AZIN2: variants seen among roughly 807,000 people sequenced by gnomAD.
The protein encoded by AZIN2 is ODC antizyme inhibitor-2.
A neutral mutation model predicts 47.8 loss-of-function variants in AZIN2; 28 were observed. That is an observed-to-expected ratio of 0.59 (90% CI 0.43 to 0.80). The LOEUF (loss-of-function observed/expected upper bound fraction) is 0.80, where lower values mean the gene tolerates loss of function less well. Ranked by LOEUF, AZIN2 falls within the 30% of genes least tolerant of loss-of-function variation. The pLI, the probability that AZIN2 is intolerant of heterozygous loss-of-function variation, is 0.00. For missense variants in AZIN2, 535 were observed against 582.5 expected, an observed-to-expected ratio of 0.92 and a Z score of 0.84; for synonymous variants, 221 against 239.4, an observed-to-expected ratio of 0.92 and a Z score of 0.71.
intron 10 of AZIN2, among the ~76,000 whole-genome samples, chr1:33,110,732 A>G (rs372113237): frequency 6.6e-6 from 1 of 152,256 alleles, no homozygotes; most frequent in African/African-American, 2.4e-5. Context: ...GAAATGGTGC[A>G]TAGAGTCAGA....
At chr1:33,109,773 A>G (rs1250685273) in intron 10 of AZIN2, among the ~76,000 whole-genome samples, 1 of 151,710 alleles carries the variant, frequency 6.6e-6, no homozygotes, top group Non-Finnish European at 1.5e-5. Context: ...CATACTATAT[A>G]ATTTACTTGT....
chr1:33,164,308 C>G, the AZIN2 span: 1 of 152,280 alleles, frequency 6.6e-6, no homozygotes, highest in Admixed American at 6.5e-5. Flanking sequence ...AGGATGACCT[C>G]CAGAGGCCCA....
intron 10 of AZIN2, among the ~76,000 whole-genome samples, chr1:33,108,146 T>C (rs1286337237): frequency 2.6e-5 from 4 of 152,082 alleles, no homozygotes; most frequent in Non-Finnish European, 5.9e-5. Flanking sequence ...ACCAGTGGAA[T>C]AGAATAGAGA....
the AZIN2 span, chr1:33,146,734 T>A: frequency 6.2e-5 from 12 of 193,318 alleles, no homozygotes; most frequent in African/African-American, 2.8e-4. Flanking sequence ...AAATGGCCCA[T>A]CACTAGCTTG....
rs745660293 is a variant in AZIN2 at position 33,096,845 on chromosome 1, C to T, written c.892C>T (p.Leu298=). Residue 298 remains leucine (L), a synonymous_variant, in exon 9 of 12, where the codon CTG becomes TTG. Coordinates refer to ENST00000294517, the MANE Select transcript of AZIN2 (RefSeq NM_052998.4). ...CAGCATCATTGCCAAGAAGGAGGTT[C>T]TGCTAGACCAGCCTGGCAGGGAGGG... ...AVSIIAKKEV[L]LDQPGREEEN... 7.4e-6 allele frequency: 12 copies of T among 1,614,042 alleles called. No individual in the cohort carries two copies. The South Asian group carries it at 1.2e-4, about 16-fold the overall frequency.
chr1:33,154,973 G>T, the AZIN2 span, among the ~76,000 whole-genome samples: 2 of 148,110 alleles, frequency 1.4e-5, no homozygotes, highest in Non-Finnish European at 3.0e-5. Flanking sequence ...GGTGCCTGCA[G>T]TCCCAGCTAC....
At chr1:33,126,721 T>C (rs1469886844), downstream of AZIN2, among the ~76,000 whole-genome samples, 1 of 152,112 alleles carries the variant, frequency 6.6e-6, no homozygotes, top group South Asian at 2.1e-4. Context: ...ACCCCCCCAA[T>C]AGCGCTTTCT....
chr1:33,166,426 G>C, the AZIN2 span: 79 of 151,230 alleles, frequency 5.2e-4, 1 homozygote, highest in African/African-American at 1.8e-3. Flanking sequence ...AGGAACCAAA[G>C]CTGTACCAGT....
At chr1:33,104,285 A>G (rs899704239) in intron 10 of AZIN2, among the ~76,000 whole-genome samples, 3 of 152,002 alleles carry the variant, frequency 2.0e-5, no homozygotes, top group Admixed American at 2.0e-4. Flanking sequence ...TCCTCTGTTC[A>G]CTTAATTTGG....
the AZIN2 span, among the ~76,000 whole-genome samples, chr1:33,129,097 T>C: frequency 6.6e-6 from 1 of 152,026 alleles, no homozygotes; most frequent in African/African-American, 2.4e-5. This position sits in a 1 kb window ranked among gnomAD's most constrained non-coding sequence, Gnocchi z 4.1. Flanking sequence ...TACAAGGGAA[T>C]GGTAGTTTGA....
intron 4 of AZIN2, 37 bp downstream of exon 4, chr1:33,082,391 C>T (rs1221505002): frequency 6.6e-7 from 1 of 1,510,334 alleles, no homozygotes. Flanking sequence ...CCCCGGTCCC[C>T]TGTACAGATC....
the AZIN2 span, chr1:33,158,312 T>G: frequency 3.7e-6 from 6 of 1,614,040 alleles, no homozygotes; most frequent in Non-Finnish European, 5.1e-6. Flanking sequence ...GCCTGTGTAC[T>G]TGGAGGTCGG....
the AZIN2 span, chr1:33,159,977 G>C: frequency 1.3e-5 from 20 of 1,587,940 alleles, no homozygotes; most frequent in Non-Finnish European, 1.7e-5. This position sits in a 1 kb window ranked among gnomAD's most constrained non-coding sequence, Gnocchi z 4.2. Flanking sequence ...GTTATGGCTG[G>C]GGGAGCAGAT....
At position 33,120,470 on chromosome 1, in the gene AZIN2, C is replaced by CCTG; in HGVS notation, c.*288_*289insCTG. The CCTG allele has an allele frequency of 2.5e-6, 1 of 396,236 alleles. No homozygotes were observed. The highest frequency in any genetic ancestry group is 4.5e-6 in the Non-Finnish European group (1 of 221,092). The allele number at this position is 396,236 out of a possible 1,614,324, so 24.5% of individuals were successfully genotyped here. ...GGGTGTTCTTGGGGTCTCCTTTGGTCTCCTTCCCACCTTTGTAAATATAAT... is the reference window on the plus strand; with the variant it reads ...GGGTGTTCTTGGGGTCTCCTTTGGTCCTGTCCTTCCCACCTTTGTAAATATAAT... On this transcript the variant is annotated 3_prime_UTR_variant, in exon 12 of 12. Coordinates refer to ENST00000294517, the MANE Select transcript of AZIN2 (RefSeq NM_052998.4).
intron 8 of AZIN2, 62 bp downstream of exon 8, chr1:33,094,775 G>T: frequency 6.3e-7 from 1 of 1,583,484 alleles, no homozygotes; most frequent in Non-Finnish European, 8.6e-7. Context: ...GGAGGGATTA[G>T]ATGATCGGAG....
intron 8 of AZIN2, among the ~76,000 whole-genome samples, chr1:33,095,080 C>T (rs1433724234): frequency 6.6e-6 from 1 of 152,188 alleles, no homozygotes; most frequent in Admixed American, 6.5e-5. Flanking sequence ...AAACGAAAAC[C>T]AACCTTTGGT....
the AZIN2 span, chr1:33,142,128 C>G: frequency 1.3e-5 from 2 of 152,308 alleles, no homozygotes; most frequent in African/African-American, 4.8e-5. Context: ...CACCTCCCAC[C>G]TCCCTCCTAG....
the AZIN2 span, among the ~76,000 whole-genome samples, chr1:33,133,902 G>A: frequency 6.6e-6 from 1 of 152,354 alleles, no homozygotes; most frequent in East Asian, 1.9e-4. Flanking sequence ...GGACCCAAAG[G>A]GAGAGATGTG....
the AZIN2 span, chr1:33,143,084 C>T: frequency 2.0e-5 from 3 of 152,356 alleles, no homozygotes; most frequent in Admixed American, 6.5e-5. Flanking sequence ...CCTTTGTCCC[C>T]TCTCTTCACT....
Sources: gnomAD v4.1 joint callset for allele counts (sites outside exome capture counted in the v4.1 genomes callset) on GRCh38, gnomAD v4.1.1 for gene constraint, Gnocchi (gnomAD v3.1) non-coding constraint, MANE v1.5 for transcripts, NCBI Gene and HGNC (gene_info 2026-07-23, HGNC 2026-07-21) for gene names.